COL20A1: variants seen among roughly 807,000 people sequenced by gnomAD.
COL20A1 encodes collagen alpha-1(XX) chain.
COL20A1 carries 164 observed loss-of-function variants against 152.9 expected under a neutral mutation model. That is an observed-to-expected ratio of 1.07 (90% CI 0.94 to 1.22). The LOEUF (loss-of-function observed/expected upper bound fraction) is 1.22. COL20A1 is among the 50% of genes most tolerant of loss of function. COL20A1 has a pLI of 0.00. For missense variants in COL20A1, 1,873 were observed against 1,744.8 expected (o/e 1.07, Z -1.31); for synonymous variants, 864 against 756.0 (o/e 1.14, Z -2.34).
At chr20:63,329,375 G>GC (rs546567011) in intron 34 of COL20A1, 28 of 581,840 alleles carry the variant, frequency 4.8e-5, no homozygotes, top group South Asian at 6.2e-5. Context: ...ACCTGGCCAT[G>GC]CCCCCCCAGA....
At chr20:63,296,588 C>T (rs1438043312) in intron 2 of COL20A1, among the ~76,000 whole-genome samples, 1 of 152,252 alleles carries the variant, frequency 6.6e-6, no homozygotes, top group Non-Finnish European at 1.5e-5. Context: ...GCTGTCTGCC[C>T]AGTGCCCTGC....
At chr20:63,298,986 A>ACC (rs2067833080) in intron 3 of COL20A1, among the ~76,000 whole-genome samples, 1 of 152,142 alleles carries the variant, frequency 6.6e-6, no homozygotes, top group Non-Finnish European at 1.5e-5. Flanking sequence ...AGCATGGACT[A>ACC]GTTTGCCTGT....
At position 63,305,544 on chromosome 20, in the gene COL20A1, T is replaced by A; in HGVS notation, c.321T>A (p.Ala107=). ...CTGGCTCTGGGCGCTTCCTGCTAGC[T>A]CGGAGGGAGTTTGTGAGTAAGTCCA... ...ELTGSGRFLL[A]RREFVIEDLK... is the part of the protein sequence containing the mutation. The change falls in exon 4 of 36, where the codon GCT becomes GCA. Residue 107 remains alanine (A), a synonymous_variant. Coordinates refer to ENST00000358894, the MANE Select transcript of COL20A1 (RefSeq NM_020882.4). This position sits in a 1 kb window ranked among gnomAD's most constrained non-coding sequence, Gnocchi z 4.9. 6.2e-7 allele frequency: 1 copy of A among 1,600,408 alleles called. No homozygotes were observed. The highest frequency in any genetic ancestry group is 8.5e-7 in the Non-Finnish European group (1 of 1,174,660).
Position 63,297,796 on chromosome 20 carries a change from G to A in COL20A1, c.83-114G>A, listed in dbSNP as rs2067817129. On this transcript the variant is annotated intron_variant, in intron 2 of 35. Transcript: ENST00000358894. ...GGCTTCTGTCTCTTCGGGGTCCCCC[G>A]GGATAGGACTGTGTTCCTCCCAAAT... 2.9e-5 allele frequency: 22 copies of A among 759,482 alleles called. No individual in the cohort carries two copies. In the South Asian group the frequency reaches 3.2e-4, roughly 11 times the overall value. The allele number at this position is 759,482 out of a possible 1,614,324, so 47.0% of individuals were successfully genotyped here.
Position 63,299,097 on chromosome 20 carries a change from G to A in COL20A1, c.193+1077G>A, listed in dbSNP as rs146291362. On this transcript the variant is annotated intron_variant, in intron 3 of 35. Coordinates refer to ENST00000358894, the MANE Select transcript of COL20A1 (RefSeq NM_020882.4). ...GTTTGCCCCGTGGTGTGTAACAGCC[G>A]TCCATTTTCTTTGCTGTATAGTATT... Among the ~76,000 whole-genome samples the A allele has an allele frequency of 1.7e-3, 255 of 152,324 alleles. 1 individual carries two copies. The highest frequency in any genetic ancestry group is 5.8e-3 in the African/African-American group (239 of 41,564).
chr20:63,321,365 G>T (rs538576832), intron 26 of COL20A1, among the ~76,000 whole-genome samples: 10 of 152,338 alleles, frequency 6.6e-5, no homozygotes, highest in Admixed American at 6.5e-4. Context: ...TCACTGTCAG[G>T]GTTGGGAAGG....
At chr20:63,308,131 A>ACCT (rs765459663) in intron 7 of COL20A1, 41 bp downstream of exon 7, 1 of 1,581,220 alleles carries the variant, frequency 6.3e-7, no homozygotes, top group Non-Finnish European at 8.5e-7. Flanking sequence ...CTGAGGGCGG[A>ACCT]CCTCCTTCTG....
At chr20:63,325,594 G>T (rs2068234217) in intron 28 of COL20A1, 74 bp from the exon 29 acceptor site, 3 of 1,556,492 alleles carry the variant, frequency 1.9e-6, no homozygotes, top group Admixed American at 1.7e-5. Flanking sequence ...GGTTGGGGGT[G>T]AGGCCTCACA....
intron 31 of COL20A1, chr20:63,327,198 CG>C: frequency 5.0e-6 from 1 of 201,504 alleles, no homozygotes; most frequent in Non-Finnish European, 1.0e-5. Flanking sequence ...GTTGACGGCC[CG>C]GGGACTTCCT....
chr20:63,319,220 G>A lies in COL20A1; in HGVS notation c.2806+20G>A, dbSNP rs373476372. The A allele has an allele frequency of 3.2e-5, 51 of 1,605,774 alleles. No homozygotes were observed. The Middle Eastern group carries it at 6.6e-4, about 21-fold the overall frequency. On this transcript the variant is annotated intron_variant, in intron 22 of 35. Transcript: ENST00000358894. This position sits in a 1 kb window ranked among gnomAD's most constrained non-coding sequence, Gnocchi z 4.4. Reference sequence around the variant, plus strand: ...TGGATGGTGACGTGGGCCCCGCGTCGCCCCCAGCAGTCAGGAGGAGTAGGG... The same window carrying A: ...TGGATGGTGACGTGGGCCCCGCGTCACCCCCAGCAGTCAGGAGGAGTAGGG...
Position 63,313,014 on chromosome 20 carries a change from C to A in COL20A1, c.2076+80C>A. 2.6e-6 allele frequency: 4 copies of A among 1,537,228 alleles called. No homozygotes were observed. Among genetic ancestry groups the A allele is most frequent in the Non-Finnish European group, 3.5e-6 (4 of 1,136,528 alleles). On this transcript the variant is annotated intron_variant, in intron 16 of 35. Coordinates refer to ENST00000358894, the MANE Select transcript of COL20A1 (RefSeq NM_020882.4). This position sits in a 1 kb window ranked among gnomAD's most constrained non-coding sequence, Gnocchi z 5.9. ...GAAGCCAAAGTCTAGGGCTCAGAGC[C>A]ATATGTGCGCCCACCCTGTCTCCCA... is the stretch of plus-strand genomic sequence containing the variant.
chr20:63,324,482 G>A (rs1418490912), intron 27 of COL20A1: 3 of 152,194 alleles, frequency 2.0e-5, no homozygotes, highest in South Asian at 2.1e-4. Context: ...TGGTAGTGAA[G>A]TCCATCCACT....
At position 63,311,881 on chromosome 20, in the gene COL20A1, G is replaced by A. The variant is rs201586846; in HGVS notation, c.1664-35G>A. Reference sequence around the variant, plus strand: ...CACCCTTGCCCCTGCCATGGAGGCCGCGTGCTGGCCTTGAGGCTCTGCTGT... The same window carrying A: ...CACCCTTGCCCCTGCCATGGAGGCCACGTGCTGGCCTTGAGGCTCTGCTGT... On this transcript the variant is annotated intron_variant, in intron 13 of 35. Coordinates refer to ENST00000358894, the MANE Select transcript of COL20A1 (RefSeq NM_020882.4). This position sits in a 1 kb window ranked among gnomAD's most constrained non-coding sequence, Gnocchi z 4.4. 234 of 1,510,574 alleles carry A rather than the reference G, an allele frequency of 1.5e-4. 3 individuals are homozygous for A. The African/African-American group carries it at 2.4e-3, about 16-fold the overall frequency. 93.6% of individuals were successfully genotyped at this position (1,510,574 alleles called of 1,614,324 possible). A position where few individuals can be genotyped will look rare whatever the true frequency, so the allele number is the denominator to read the frequency against.
At position 63,326,625 on chromosome 20, in the gene COL20A1, G is replaced by A. The variant is rs991648082; in HGVS notation, c.3457-127G>A. The A allele has an allele frequency of 8.1e-5, 48 of 593,794 alleles. No individual in the cohort carries two copies. In the African/African-American group the frequency reaches 8.3e-4, roughly 10 times the overall value. 36.8% of individuals were successfully genotyped at this position (593,794 alleles called of 1,614,324 possible). ...CCGGAGGAATGGCCTGAAGGAGGCT[G>A]GGGCCAGCCAGGCATCCACCGCCCT... On this transcript the variant is annotated intron_variant, in intron 30 of 35. Coordinates refer to ENST00000358894, the MANE Select transcript of COL20A1 (RefSeq NM_020882.4).
chr20:63,312,249 CA>C (rs1323484645), intron 14 of COL20A1, among the ~76,000 whole-genome samples, 170 bp from the exon 15 acceptor site: 1 of 152,118 alleles, frequency 6.6e-6, no homozygotes, highest in Non-Finnish European at 1.5e-5. Context: ...AGGCCCACCC[CA>C]GCCGTCCTGC....
intron 27 of COL20A1, 105 bp downstream of exon 27, chr20:63,322,216 T>C (rs2123426603): frequency 1.0e-6 from 1 of 954,352 alleles, no homozygotes; most frequent in Non-Finnish European, 1.5e-6. Context: ...TGCACGCAGC[T>C]TCCCTAGGCA....
At chr20:63,309,688 C>T (rs1037457773) in intron 9 of COL20A1, 70 bp from the exon 10 acceptor site, 1 of 1,393,774 alleles carries the variant, frequency 7.2e-7, no homozygotes, top group East Asian at 2.5e-5. Context: ...TGTGAGTGGC[C>T]ACCAGGGGGA....
chr20:63,303,339 G>A (rs950550982), intron 3 of COL20A1, among the ~76,000 whole-genome samples: 1 of 152,178 alleles, frequency 6.6e-6, no homozygotes, highest in Non-Finnish European at 1.5e-5. Context: ...GGGATTACAG[G>A]CATGCCCGGC....
At position 63,326,757 on chromosome 20, in the gene COL20A1, C is replaced by A; in HGVS notation, c.3462C>A (p.Phe1154Leu). The change falls in exon 31 of 36, where the codon TTC becomes TTA. Residue 1154 changes from phenylalanine to leucine, a missense_variant. Transcript: ENST00000358894. The stretch of plus-strand genomic sequence containing the variant: ...TGACTTCTGTGTCTATGCAGGGGTT[C>A]CAGGGCATGGCAGGGGCCAGGGGCA... ...GLPGPPGPRG[F>L]QGMAGARGTS... 6.8e-7 allele frequency: 1 copy of A among 1,468,964 alleles called. No individual in the cohort carries two copies. The highest frequency in any genetic ancestry group is 9.0e-7 in the Non-Finnish European group (1 of 1,117,088). The allele number at this position is 1,468,964 out of a possible 1,614,324, so 91.0% of individuals were successfully genotyped here.
Sources: gnomAD v4.1 joint callset for allele counts (sites outside exome capture counted in the v4.1 genomes callset) on GRCh38, gnomAD v4.1.1 for gene constraint, Gnocchi (gnomAD v3.1) non-coding constraint, MANE v1.5 for transcripts, NCBI Gene and HGNC (gene_info 2026-07-23, HGNC 2026-07-21) for gene names.